Variants in CEP63 observed in about 807,000 individuals in gnomAD.
CEP63 encodes centrosomal protein of 63 kDa.
Under a neutral mutation model 89.1 loss-of-function variants are expected in CEP63, and 84 were observed. The ratio of observed to expected loss-of-function variants is 0.94; its 90% CI spans 0.79 to 1.13. The LOEUF (loss-of-function observed/expected upper bound fraction) is 1.13, where lower values mean the gene tolerates loss of function less well. Among genes scored for constraint, CEP63 ranks in the 50% most tolerant of loss-of-function variants. The pLI is 0.00. For missense variants in CEP63, 838 were observed against 813.3 expected (o/e 1.03, Z -0.37); for synonymous variants, 267 against 272.5 (o/e 0.98, Z 0.20).
At chr3:134,644,406 C>G in the CEP63 span, among the ~76,000 whole-genome samples, 1 of 152,326 alleles carries the variant, frequency 6.6e-6, no homozygotes, top group Admixed American at 6.5e-5. Context: ...GAAGCATGAC[C>G]TTTCCTCCCT....
chr3:134,584,957 T>TTTTTTTTTTTTTTTTTTTC (rs1958448818), intron 10 of CEP63, among the ~76,000 whole-genome samples: 1 of 59,858 alleles, frequency 1.7e-5, no homozygotes, highest in African/African-American at 6.4e-5. Flanking sequence ...TTTTCTAGGG[T>TTTTTTTTTTTTTTTTTTTC]TTTTTTTTTT....
chr3:134,525,848 C>T (rs1180754213), intron 3 of CEP63, among the ~76,000 whole-genome samples: 1 of 152,162 alleles, frequency 6.6e-6, no homozygotes, highest in Admixed American at 6.5e-5. Flanking sequence ...TGATCTTTCT[C>T]TCTGGCTGCC....
At chr3:134,603,562 A>G in the CEP63 span, 89 of 1,552,784 alleles carry the variant, frequency 5.7e-5, no homozygotes, top group African/African-American at 9.8e-4. Flanking sequence ...TGGGAGGGTA[A>G]GACCGGGGCA....
chr3:134,594,768 G>A, the CEP63 span, among the ~76,000 whole-genome samples: 1 of 152,204 alleles, frequency 6.6e-6, no homozygotes, highest in African/African-American at 2.4e-5. Context: ...AAATGACAAG[G>A]CAATGTTCAC....
chr3:134,637,676 T>C, the CEP63 span, among the ~76,000 whole-genome samples: 1 of 152,254 alleles, frequency 6.6e-6, no homozygotes, highest in Non-Finnish European at 1.5e-5. Flanking sequence ...TCTGACAGTC[T>C]TTGTTAATTT....
chr3:134,684,933 C>A, the CEP63 span, among the ~76,000 whole-genome samples: 2 of 152,134 alleles, frequency 1.3e-5, no homozygotes, highest in Non-Finnish European at 2.9e-5. Context: ...TAATCTGGAT[C>A]CTCGCTGGGG....
chr3:134,491,710 A>T (rs1433635855), intron 1 of CEP63, among the ~76,000 whole-genome samples: 1 of 152,332 alleles, frequency 6.6e-6, no homozygotes, highest in East Asian at 1.9e-4. Context: ...CTGATTGTTC[A>T]TCGGAACAGC....
the CEP63 span, among the ~76,000 whole-genome samples, chr3:134,771,688 A>G: frequency 6.6e-6 from 1 of 152,220 alleles, no homozygotes; most frequent in African/African-American, 2.4e-5. Flanking sequence ...TTCCTAATAT[A>G]GATGGGTTGA....
the CEP63 span, chr3:134,650,980 C>T: frequency 3.7e-6 from 6 of 1,612,822 alleles, no homozygotes; most frequent in Non-Finnish European, 4.2e-6. Context: ...TCCTTTCCGA[C>T]CTGGGCGCCG....
chr3:134,757,231 A>G, the CEP63 span, among the ~76,000 whole-genome samples: 1 of 152,196 alleles, frequency 6.6e-6, no homozygotes, highest in Non-Finnish European at 1.5e-5. Context: ...AGGGAGCACC[A>G]GGGTTTGTGG....
the CEP63 span, among the ~76,000 whole-genome samples, chr3:134,739,559 G>C: frequency 6.6e-6 from 1 of 152,120 alleles, no homozygotes; most frequent in Non-Finnish European, 1.5e-5. Context: ...ACTATAAAAT[G>C]ATAAAAGTTA....
At chr3:134,760,351 G>C in the CEP63 span, among the ~76,000 whole-genome samples, 1 of 152,132 alleles carries the variant, frequency 6.6e-6, no homozygotes, top group Admixed American at 6.5e-5. Flanking sequence ...GAGCCACCGC[G>C]CCCGGCCAGC....
intron 2 of CEP63, among the ~76,000 whole-genome samples, chr3:134,503,703 A>G (rs1478198111): frequency 6.6e-6 from 1 of 152,122 alleles, no homozygotes; most frequent in Non-Finnish European, 1.5e-5. Flanking sequence ...GGATGTATGT[A>G]TATTTACAGC....
chr3:134,744,493 A>G, the CEP63 span, among the ~76,000 whole-genome samples: 1 of 152,206 alleles, frequency 6.6e-6, no homozygotes, highest in Non-Finnish European at 1.5e-5. Context: ...GCAACTCTGT[A>G]GGCTCCACTA....
the CEP63 span, among the ~76,000 whole-genome samples, chr3:134,682,704 T>C: frequency 6.6e-6 from 1 of 152,224 alleles, no homozygotes; most frequent in African/African-American, 2.4e-5. Flanking sequence ...AGAGCTGGCA[T>C]TCGTCCCATG....
At chr3:134,707,459 G>A in the CEP63 span, among the ~76,000 whole-genome samples, 2 of 152,184 alleles carry the variant, frequency 1.3e-5, no homozygotes, top group Non-Finnish European at 2.9e-5. Flanking sequence ...ATGATCAAAA[G>A]CAAGAGGAGA....
At chr3:134,764,066 G>A in the CEP63 span, among the ~76,000 whole-genome samples, 671 of 152,324 alleles carry the variant, frequency 4.4e-3, 6 homozygotes, top group African/African-American at 0.015. Flanking sequence ...CAAGACATGG[G>A]CAATTTAGAA....
the CEP63 span, among the ~76,000 whole-genome samples, chr3:134,707,973 G>A: frequency 1.3e-5 from 2 of 152,108 alleles, no homozygotes; most frequent in African/African-American, 2.4e-5. Flanking sequence ...ACTGATTGGG[G>A]TAAGACCTCT....
intron 9 of CEP63, among the ~76,000 whole-genome samples, chr3:134,548,556 G>T (rs1055133541): frequency 6.6e-6 from 1 of 152,066 alleles, no homozygotes; most frequent in Non-Finnish European, 1.5e-5. Context: ...GACATTTTCT[G>T]TATGTAAAAG....
Sources: gnomAD v4.1 joint callset for allele counts (sites outside exome capture counted in the v4.1 genomes callset) on GRCh38, gnomAD v4.1.1 for gene constraint, MANE v1.5 for transcripts, NCBI Gene and HGNC (gene_info 2026-07-23, HGNC 2026-07-21) for gene names.